Variants in STAC observed in about 807,000 individuals in gnomAD.
The protein encoded by STAC is SH3 and cysteine rich domain.
In STAC, 43 loss-of-function variants were observed where a neutral mutation model predicts 48.8. The observed-to-expected ratio is 0.88, with a 90% CI of 0.69 to 1.14. STAC has a LOEUF of 1.14. Among genes scored for constraint, STAC ranks in the 50% most tolerant of loss-of-function variants. The pLI is 0.00. For missense variants in STAC, 497 were observed against 504.0 expected, an observed-to-expected ratio of 0.99 and a Z score of 0.13; for synonymous variants, 193 against 179.5, an observed-to-expected ratio of 1.07 and a Z score of -0.60.
At chr3:36,453,205 G>A (rs1696736548) in intron 2 of STAC, among the ~76,000 whole-genome samples, 2 of 152,200 alleles carry the variant, frequency 1.3e-5, no homozygotes, top group Admixed American at 1.3e-4. Flanking sequence ...GCCCTTGCTC[G>A]CTCCCGGCGC....
chr3:36,388,996 A>G (rs147275406), intron 1 of STAC, among the ~76,000 whole-genome samples: 3 of 152,328 alleles, frequency 2.0e-5, no homozygotes, highest in East Asian at 3.9e-4. Context: ...TATAAAAACA[A>G]TATTTTGAAA....
At chr3:36,504,587 A>G (rs754343248) in intron 7 of STAC, 130 bp downstream of exon 7, 86 of 706,220 alleles carry the variant, frequency 1.2e-4, no homozygotes, top group Non-Finnish European at 2.0e-4. Context: ...AGAATAATAT[A>G]GCACAACGTA....
intron 10 of STAC, among the ~76,000 whole-genome samples, chr3:36,543,045 G>T (rs1699366997): frequency 6.6e-6 from 1 of 152,110 alleles, no homozygotes; most frequent in Non-Finnish European, 1.5e-5. Context: ...ATTACAGTTT[G>T]GAATTGAAGG....
chr3:36,509,275 T>C (rs1698478277), intron 8 of STAC, among the ~76,000 whole-genome samples: 1 of 151,502 alleles, frequency 6.6e-6, no homozygotes. Context: ...AGGGTTTCTG[T>C]TAGTCTGATG....
intron 8 of STAC, among the ~76,000 whole-genome samples, chr3:36,512,486 G>C (rs192293258): frequency 6.6e-6 from 1 of 152,084 alleles, no homozygotes; most frequent in Admixed American, 6.6e-5. Flanking sequence ...TTCTATTATA[G>C]AGATCCTACA....
At position 36,451,029 on chromosome 3, in the gene STAC, C is replaced by T. The variant is rs540086967; in HGVS notation, c.388+7389C>T. Reference sequence around the variant, plus strand: ...TTTTTGCCCAACCTGAATTTTTATTCTCAAACAGAAGAGGATTTGCATTTC... The same window carrying T: ...TTTTTGCCCAACCTGAATTTTTATTTTCAAACAGAAGAGGATTTGCATTTC... On this transcript the variant is annotated intron_variant, in intron 2 of 10. Transcript: ENST00000273183. Among the ~76,000 whole-genome samples the T allele has an allele frequency of 2.0e-5, 3 of 151,972 alleles. No homozygotes were observed. The South Asian group carries it at 6.2e-4, about 32-fold the overall frequency.
At chr3:36,387,813 T>C (rs967871428) in intron 1 of STAC, among the ~76,000 whole-genome samples, 1 of 152,128 alleles carries the variant, frequency 6.6e-6, no homozygotes, top group African/African-American at 2.4e-5. Flanking sequence ...CAAATACTTG[T>C]TGAAGTCCCC....
intron 5 of STAC, among the ~76,000 whole-genome samples, chr3:36,486,600 C>T (rs1697823426): frequency 6.6e-6 from 1 of 152,190 alleles, no homozygotes; most frequent in African/African-American, 2.4e-5. Context: ...ACTTGGAAAT[C>T]CTGGCTATTT....
At position 36,436,369 on chromosome 3, in the gene STAC, C is replaced by T. The variant is rs1450806673; in HGVS notation, c.112-6995C>T. ...TTTAAATAAAAGTCAGAGCCTGTCA[C>T]TTCCCTGTTCAAAACCATCACCCTT... On this transcript the variant is annotated intron_variant, in intron 1 of 10. Transcript: ENST00000273183. Among the ~76,000 whole-genome samples the T allele has an allele frequency of 3.9e-5, 6 of 152,186 alleles. No individual in the cohort carries two copies. The East Asian group carries it at 5.8e-4, about 15-fold the overall frequency.
chr3:36,500,618 A>G (rs1698259859), intron 6 of STAC, among the ~76,000 whole-genome samples: 1 of 152,200 alleles, frequency 6.6e-6, no homozygotes, highest in South Asian at 2.1e-4. Context: ...TAAAAAGAAC[A>G]CATGGAATTA....
At chr3:36,429,279 A>C (rs899068520) in intron 1 of STAC, among the ~76,000 whole-genome samples, 3 of 152,174 alleles carry the variant, frequency 2.0e-5, no homozygotes, top group Non-Finnish European at 2.9e-5. Flanking sequence ...GGAATTCAGG[A>C]GCCTTTCTCT....
intron 2 of STAC, among the ~76,000 whole-genome samples, chr3:36,460,418 C>T (rs1696982090): frequency 6.6e-6 from 1 of 151,844 alleles, no homozygotes; most frequent in South Asian, 2.1e-4. Flanking sequence ...CACACTTGTC[C>T]CATGCAATAT....
intron 2 of STAC, among the ~76,000 whole-genome samples, chr3:36,445,282 T>G (rs975036784): frequency 6.6e-6 from 1 of 152,226 alleles, no homozygotes; most frequent in Non-Finnish European, 1.5e-5. Flanking sequence ...TAAAGAGAGT[T>G]GCACTGCACT....
At chr3:36,476,931 A>G (rs1258250325) in intron 2 of STAC, among the ~76,000 whole-genome samples, 1 of 152,148 alleles carries the variant, frequency 6.6e-6, no homozygotes, top group African/African-American at 2.4e-5. Context: ...ATGCCCCTGT[A>G]CTGGTGGACG....
At chr3:36,407,403 A>G (rs1342860069) in intron 1 of STAC, among the ~76,000 whole-genome samples, 2 of 152,190 alleles carry the variant, frequency 1.3e-5, no homozygotes, top group Non-Finnish European at 2.9e-5. Context: ...GATCCTAATT[A>G]ATTGGTAGAA....
intron 6 of STAC, among the ~76,000 whole-genome samples, chr3:36,502,455 A>C (rs1041216435): frequency 9.2e-5 from 14 of 152,194 alleles, no homozygotes; most frequent in Non-Finnish European, 1.5e-4. Context: ...GTCACTTCAA[A>C]TATTTTTCAG....
At chr3:36,406,783 T>G (rs1322870621) in intron 1 of STAC, among the ~76,000 whole-genome samples, 1 of 152,234 alleles carries the variant, frequency 6.6e-6, no homozygotes, top group African/African-American at 2.4e-5. Context: ...ACAGACTATG[T>G]TGACCTGAAA....
At chr3:36,538,032 A>G (rs534862909) in intron 10 of STAC, among the ~76,000 whole-genome samples, 1 of 152,264 alleles carries the variant, frequency 6.6e-6, no homozygotes, top group East Asian at 1.9e-4. Context: ...AAATATTTTT[A>G]AGAGGTATAA....
At chr3:36,482,925 G>A (rs958916511) in intron 2 of STAC, 67 bp from the exon 3 acceptor site, 2 of 1,120,992 alleles carry the variant, frequency 1.8e-6, no homozygotes, top group Admixed American at 4.2e-5. Context: ...CATTTTCTGT[G>A]ATTTTAGACT....
Sources: gnomAD v4.1 joint callset for allele counts (sites outside exome capture counted in the v4.1 genomes callset) on GRCh38, gnomAD v4.1.1 for gene constraint, MANE v1.5 for transcripts, NCBI Gene and HGNC (gene_info 2026-07-23, HGNC 2026-07-21) for gene names.